Variants in IGSF11 observed in about 807,000 individuals in gnomAD.
IGSF11 encodes the protein immunoglobulin superfamily member 11.
In IGSF11, 22 loss-of-function variants were observed where a neutral mutation model predicts 41.0. That is an observed-to-expected ratio of 0.54 (90% CI 0.38 to 0.77). The LOEUF is 0.77. IGSF11 is among the 30% of genes least tolerant of loss of function. IGSF11 has a pLI of 0.00. For synonymous variants in IGSF11, 219 were observed against 201.3 expected (o/e 1.09, Z -0.74); for missense variants, 444 against 530.8 (o/e 0.84, Z 1.61).
At chr3:119,085,801 T>G (rs2076660930) in intron 1 of IGSF11, among the ~76,000 whole-genome samples, 1 of 152,242 alleles carries the variant, frequency 6.6e-6, no homozygotes, top group Admixed American at 6.5e-5. Context: ...ATCTCAGAGC[T>G]TGAAGACCAG....
chr3:119,140,132 CAT>C (rs947962181), intron 1 of IGSF11, among the ~76,000 whole-genome samples: 6 of 151,850 alleles, frequency 4.0e-5, no homozygotes, highest in African/African-American at 1.5e-4. Context: ...TAAAATAAAA[CAT>C]GTATATCCTA....
At chr3:119,128,220 G>T (rs943991363) in intron 1 of IGSF11, among the ~76,000 whole-genome samples, 1 of 152,076 alleles carries the variant, frequency 6.6e-6, no homozygotes, top group Non-Finnish European at 1.5e-5. Flanking sequence ...TCAGCTGGGT[G>T]TGGTGGCAGG....
At position 119,132,378 on chromosome 3, in the gene IGSF11, CAAAAAAAAAAAAAA is replaced by C. The variant is rs58700219; in HGVS notation, c.-14+13421_-14+13434del. Among the ~76,000 whole-genome samples, 10 of 39,792 alleles carry C rather than the reference CAAAAAAAAAAAAAA, an allele frequency of 2.5e-4. 1 individual carries two copies. The highest frequency in any genetic ancestry group is 1.0e-3 in the African/African-American group (9 of 8,964). 26.1% of individuals were successfully genotyped at this position (39,792 alleles called of 152,430 possible). On this transcript the variant is annotated intron_variant, in intron 1 of 7. Transcript: ENST00000425327. ...GAAGGTCTACCAAGCAAACAGAAAG[CAAAAAAAAAAAAAA>C]AAAAAAAAAAAAAAAGCAGGGGTTG... is the stretch of plus-strand genomic sequence containing the variant.
chr3:119,073,296 C>T (rs1273137204), intron 1 of IGSF11, among the ~76,000 whole-genome samples: 1 of 152,222 alleles, frequency 6.6e-6, no homozygotes, highest in East Asian at 1.9e-4. Flanking sequence ...CATAAAAGTT[C>T]TCCAAGTCCC....
intron 1 of IGSF11, among the ~76,000 whole-genome samples, chr3:119,043,329 T>C (rs977222648): frequency 5.3e-5 from 8 of 152,180 alleles, no homozygotes; most frequent in African/African-American, 1.9e-4. Context: ...TTTTGCCTAA[T>C]TGGCATTTTA....
chr3:118,997,934 G>A (rs542646268), intron 1 of IGSF11, among the ~76,000 whole-genome samples: 1 of 152,208 alleles, frequency 6.6e-6, no homozygotes, highest in East Asian at 1.9e-4. Context: ...CTTTTCCAAA[G>A]ACACATGTAA....
At chr3:118,997,566 G>GATGTCCTC (rs1936399135) in intron 1 of IGSF11, among the ~76,000 whole-genome samples, 1 of 107,764 alleles carries the variant, frequency 9.3e-6, no homozygotes, top group Non-Finnish European at 1.8e-5. Context: ...CCGGCTCCCT[G>GATGTCCTC]ATGTCCTCAC....
intron 1 of IGSF11, among the ~76,000 whole-genome samples, chr3:119,094,223 TAAAAAAAAAAAAAA>T (rs1175348778): frequency 4.3e-4 from 15 of 35,066 alleles, no homozygotes; most frequent in African/African-American, 6.4e-4. Flanking sequence ...CATAGCGAAG[TAAAAAAAAAAAAAA>T]AAAAAAAAAA....
intron 1 of IGSF11, among the ~76,000 whole-genome samples, chr3:119,099,038 C>T (rs2076899421): frequency 1.3e-5 from 2 of 151,878 alleles, no homozygotes; most frequent in South Asian, 4.2e-4. Context: ...AAAATATGCC[C>T]CAATTATAAC....
chr3:119,142,103 C>A (rs1444426034), intron 1 of IGSF11, among the ~76,000 whole-genome samples: 1 of 151,800 alleles, frequency 6.6e-6, no homozygotes, highest in Non-Finnish European at 1.5e-5. Flanking sequence ...GTGAAACCCC[C>A]TCTCTACTAA....
chr3:119,021,996 T>C (rs35864), intron 1 of IGSF11, among the ~76,000 whole-genome samples: 121,512 of 152,064 alleles, frequency 0.8, 48,842 homozygotes, highest in African/African-American at 0.89. Context: ...GGAGGGGACA[T>C]GGACTCCTTA....
chr3:118,902,405 T>G lies in IGSF11; in HGVS notation c.*115A>C. The stretch of plus-strand genomic sequence containing the variant: ...ACAGCACTGCCTTCTTCTTTGTGCA[T>G]TTTACTAATATAATTATAAGGAAGT... On this transcript the variant is annotated 3_prime_UTR_variant, in exon 7 of 7. Coordinates refer to ENST00000393775, the MANE Select transcript of IGSF11 (RefSeq NM_001015887.3). 1 of 815,410 alleles carries G rather than the reference T, an allele frequency of 1.2e-6. No individual in the cohort carries two copies. Among genetic ancestry groups the G allele is most frequent in the Non-Finnish European group, 2.0e-6 (1 of 511,542 alleles). 50.5% of individuals were successfully genotyped at this position (815,410 alleles called of 1,614,324 possible). A position where few individuals can be genotyped will look rare whatever the true frequency, so the allele number is the denominator to read the frequency against.
At chr3:119,126,913 A>T (rs2077412160) in intron 1 of IGSF11, among the ~76,000 whole-genome samples, 1 of 152,200 alleles carries the variant, frequency 6.6e-6, no homozygotes, top group Admixed American at 6.5e-5. Context: ...AGACAAACTC[A>T]CAAAGATAAG....
intron 1 of IGSF11, among the ~76,000 whole-genome samples, chr3:119,069,273 T>A (rs1942330232): frequency 6.6e-6 from 1 of 152,110 alleles, no homozygotes; most frequent in East Asian, 1.9e-4. Context: ...AGAGACAACA[T>A]GCTTACATTT....
chr3:118,955,405 G>A (rs1944887936), intron 1 of IGSF11, among the ~76,000 whole-genome samples: 1 of 151,988 alleles, frequency 6.6e-6, no homozygotes, highest in East Asian at 1.9e-4. Context: ...CTCACAGGTG[G>A]GAGCTAAGCT....
intron 1 of IGSF11, among the ~76,000 whole-genome samples, chr3:118,970,271 T>A (rs1400300354): frequency 6.6e-6 from 1 of 152,124 alleles, no homozygotes; most frequent in Non-Finnish European, 1.5e-5. Flanking sequence ...CTGAAAAAAA[T>A]AATTCCTATT....
chr3:119,047,673 C>A lies in IGSF11; in HGVS notation c.49+57471G>T, dbSNP rs889084953. Among the ~76,000 whole-genome samples the A allele has an allele frequency of 6.6e-5, 10 of 152,140 alleles. 1 individual carries two copies. The highest frequency in any genetic ancestry group is 2.2e-4 in the African/African-American group (9 of 41,430). On this transcript the variant is annotated intron_variant, in intron 1 of 6. Coordinates refer to the IGSF11 transcript ENST00000354673. ...TAATAGACATCTACAGAACTCTCCA[C>A]CCCAAATCAACAGAATATACATTTT...
intron 1 of IGSF11, among the ~76,000 whole-genome samples, chr3:119,110,704 G>T (rs1303600996): frequency 6.6e-6 from 1 of 152,098 alleles, no homozygotes; most frequent in Non-Finnish European, 1.5e-5. Flanking sequence ...TTTACATTTT[G>T]GCATGATTTT....
At chr3:118,949,854 TCAAA>T in intron 1 of IGSF11, among the ~76,000 whole-genome samples, 2 of 152,280 alleles carry the variant, frequency 1.3e-5, no homozygotes, top group South Asian at 4.1e-4. Flanking sequence ...TCCAGGTAGA[TCAAA>T]AAGCCTCTGC....
Sources: allele counts gnomAD v4.1 joint callset (sites outside exome capture counted in the v4.1 genomes callset), GRCh38; gene constraint gnomAD v4.1.1; transcripts MANE v1.5; gene names NCBI Gene and HGNC (gene_info 2026-07-23, HGNC 2026-07-21).